The following C10orf90 variants were observed in gnomAD, a reference collection of about 807,000 sequenced individuals.
C10orf90 encodes chromosome 10 open reading frame 90.
Under a neutral mutation model 62.5 loss-of-function variants are expected in C10orf90, and 56 were observed. The ratio of observed to expected loss-of-function variants is 0.90; its 90% CI spans 0.72 to 1.12. The LOEUF is 1.12. Ranked by LOEUF, C10orf90 falls within the 50% of genes most tolerant of loss-of-function variation. C10orf90 has a pLI of 0.00. For missense variants in C10orf90, 970 were observed against 880.4 expected (o/e 1.10, Z -1.29); for synonymous variants, 386 against 340.4 (o/e 1.13, Z -1.47).
chr10:126,437,420 T>A (rs1207168812), intron 7 of C10orf90, among the ~76,000 whole-genome samples: 2 of 152,200 alleles, frequency 1.3e-5, no homozygotes, highest in Non-Finnish European at 2.9e-5. Flanking sequence ...GCTAGGCCAG[T>A]GGTCAGTGGC....
chr10:126,504,057 G>A lies in C10orf90; in HGVS notation c.1434C>T (p.Val478=). ...GGTCCTTTTCCCCTTTTCTTACAGT[G>A]ACTTGGTTAGCTCCCACATTTGCCA... ...TELANVGANQ[V]TVRKGEKDHT... The change falls in exon 4 of 10, where the codon GTC becomes GTT. Residue 478 remains valine (V), a synonymous_variant. Transcript: ENST00000488181. This position sits in a 1 kb window ranked among gnomAD's most constrained non-coding sequence, Gnocchi z 4.1. 6.2e-7 allele frequency: 1 copy of A among 1,614,122 alleles called. No individual in the cohort carries two copies. The highest frequency in any genetic ancestry group is 8.5e-7 in the Non-Finnish European group (1 of 1,180,036).
intron 2 of C10orf90, among the ~76,000 whole-genome samples, chr10:126,607,306 C>T (rs778007721): frequency 3.3e-5 from 5 of 152,182 alleles, no homozygotes; most frequent in Non-Finnish European, 5.9e-5. Flanking sequence ...AGCTGTGATG[C>T]GTTGGCTGTG....
At chr10:126,462,715 G>A (rs1041896371) in intron 5 of C10orf90, among the ~76,000 whole-genome samples, 1 of 152,142 alleles carries the variant, frequency 6.6e-6, no homozygotes, top group Admixed American at 6.6e-5. Context: ...TCACCTGTCC[G>A]TGGGATGCAT....
At chr10:126,484,423 A>AT (rs1226806192) in intron 4 of C10orf90, among the ~76,000 whole-genome samples, 1 of 152,122 alleles carries the variant, frequency 6.6e-6, no homozygotes. Flanking sequence ...TCCAAAAAAA[A>AT]CCCTAACACC....
At chr10:126,480,870 A>G (rs1432452950) in intron 4 of C10orf90, among the ~76,000 whole-genome samples, 1 of 152,102 alleles carries the variant, frequency 6.6e-6, no homozygotes, top group Non-Finnish European at 1.5e-5. Context: ...GATCTTGAGA[A>G]TGTAGGTCAG....
intron 2 of C10orf90, among the ~76,000 whole-genome samples, chr10:126,526,357 G>T (rs1186405853): frequency 2.0e-5 from 3 of 150,850 alleles, no homozygotes; most frequent in African/African-American, 4.9e-5. Flanking sequence ...CCATTCTCCT[G>T]CCTCAGCCTC....
chr10:126,630,732 C>T (rs2133829185), intron 2 of C10orf90, among the ~76,000 whole-genome samples: 1 of 152,276 alleles, frequency 6.6e-6, no homozygotes, highest in South Asian at 2.1e-4. Context: ...AGTTACTTTA[C>T]TTCTGAACTA....
At chr10:126,465,069 C>T in intron 4 of C10orf90, 83 bp from the exon 5 acceptor site, 1 of 1,446,846 alleles carries the variant, frequency 6.9e-7, no homozygotes, top group Non-Finnish European at 9.4e-7. Context: ...TGGTGCTTTT[C>T]TCGGGACAGA....
At chr10:126,476,305 G>A (rs1343306515) in intron 4 of C10orf90, among the ~76,000 whole-genome samples, 27 of 152,180 alleles carry the variant, frequency 1.8e-4, no homozygotes, top group Admixed American at 1.8e-3. Flanking sequence ...CAAATTCTCA[G>A]CTGGAAACAC....
intron 2 of C10orf90, among the ~76,000 whole-genome samples, chr10:126,605,331 GC>G (rs1347783334): frequency 6.6e-6 from 1 of 151,154 alleles, no homozygotes; most frequent in African/African-American, 2.5e-5. Flanking sequence ...CAAGCACAGG[GC>G]CCTCGTCTGA....
At chr10:126,454,279 G>A (rs1303180660) in intron 7 of C10orf90, among the ~76,000 whole-genome samples, 2 of 151,250 alleles carry the variant, frequency 1.3e-5, no homozygotes, top group Non-Finnish European at 3.0e-5. Context: ...CCTATGACTT[G>A]CAAAGACAGT....
At chr10:126,639,047 C>A (rs1369058850) in intron 2 of C10orf90, among the ~76,000 whole-genome samples, 2 of 152,168 alleles carry the variant, frequency 1.3e-5, no homozygotes, top group African/African-American at 2.4e-5. Context: ...CTTGGATGAG[C>A]AAATATTACA....
intron 2 of C10orf90, among the ~76,000 whole-genome samples, chr10:126,568,757 G>T (rs919503321): frequency 6.6e-6 from 1 of 152,176 alleles, no homozygotes; most frequent in Non-Finnish European, 1.5e-5. Flanking sequence ...TCAGAGTGGG[G>T]AAGCCAAGGG....
intron 7 of C10orf90, among the ~76,000 whole-genome samples, chr10:126,440,956 T>A (rs546280614): frequency 2.0e-5 from 3 of 152,252 alleles, no homozygotes; most frequent in Non-Finnish European, 4.4e-5. Flanking sequence ...TCTGGTAATA[T>A]GACAAAACAT....
intron 1 of C10orf90, among the ~76,000 whole-genome samples, chr10:126,669,625 A>C: frequency 6.6e-6 from 1 of 152,156 alleles, no homozygotes. Flanking sequence ...TACTAGTTGC[A>C]GAATACAAAT....
chr10:126,611,390 C>T (rs1845430171), intron 2 of C10orf90, among the ~76,000 whole-genome samples: 2 of 152,112 alleles, frequency 1.3e-5, no homozygotes, highest in Non-Finnish European at 2.9e-5. Flanking sequence ...TTTATTGATC[C>T]GTTTATCAGT....
intron 6 of C10orf90, among the ~76,000 whole-genome samples, chr10:126,460,372 C>T (rs7082278): frequency 0.12 from 18,055 of 152,286 alleles, 1,152 homozygotes; most frequent in Non-Finnish European, 0.14. Flanking sequence ...GGGCATGCTG[C>T]CATGACTGAA....
At chr10:126,573,305 C>T (rs186256761) in intron 2 of C10orf90, among the ~76,000 whole-genome samples, 138 of 152,294 alleles carry the variant, frequency 9.1e-4, no homozygotes, top group Middle Eastern at 3.4e-3. Flanking sequence ...ATACAATGTC[C>T]GTAATCTATA....
chr10:126,654,846 G>A (rs183283469), intron 1 of C10orf90, among the ~76,000 whole-genome samples: 10 of 152,226 alleles, frequency 6.6e-5, no homozygotes, highest in East Asian at 1.9e-4. Flanking sequence ...CCACTTGAGC[G>A]TTCACTTGAA....
Sources: gnomAD v4.1 joint callset for allele counts (sites outside exome capture counted in the v4.1 genomes callset) on GRCh38, gnomAD v4.1.1 for gene constraint, Gnocchi (gnomAD v3.1) non-coding constraint, MANE v1.5 for transcripts, NCBI Gene and HGNC (gene_info 2026-07-23, HGNC 2026-07-21) for gene names.